LRP1B: variants seen among roughly 807,000 people sequenced by gnomAD.
The protein encoded by LRP1B is LDL receptor related protein 1B, also known as low-density lipoprotein receptor-related protein 1B.
Under a neutral mutation model 556.6 loss-of-function variants are expected in LRP1B, and 217 were observed. The ratio of observed to expected loss-of-function variants is 0.39; its 90% CI spans 0.35 to 0.44. The LOEUF (loss-of-function observed/expected upper bound fraction) is 0.44. Ranked by LOEUF, LRP1B falls within the 20% of genes least tolerant of loss-of-function variation. The pLI is 1.00. For synonymous variants in LRP1B, 2,047 were observed against 1,865.8 expected (o/e 1.10, Z -2.50); for missense variants, 5,053 against 5,620.8 (o/e 0.90, Z 3.23).
At chr2:141,889,982 C>T (rs1243326119) in intron 1 of LRP1B, among the ~76,000 whole-genome samples, 2 of 150,700 alleles carry the variant, frequency 1.3e-5, no homozygotes, top group Admixed American at 6.6e-5. Context: ...CCCTCACCCA[C>T]CCCATATGTG....
Position 140,371,214 on chromosome 2 carries a change from T to C in LRP1B, c.10840A>G (p.Asn3614Asp). Residue 3614 changes from asparagine (N) to aspartate (D), a missense_variant, in exon 70 of 91, where the codon AAT becomes GAT. This residue lies in a region of LRP1B where 599 missense variants were observed against 648.4 expected (regional missense o/e 0.92). Coordinates refer to ENST00000389484, the MANE Select transcript of LRP1B (RefSeq NM_018557.3). Reference sequence around the variant, plus strand: ...CCATCAGCACAATCATATTCTCCATTACATTTCAAAGATGCTGAAATACAT... The same window carrying C: ...CCATCAGCACAATCATATTCTCCATCACATTTCAAAGATGCTGAAATACAT... ...DGCISASLKC[N>D]GEYDCADGSD... is the part of the protein sequence containing the mutation. 6.3e-7 allele frequency: 1 copy of C among 1,596,868 alleles called. No homozygotes were observed. The highest frequency in any genetic ancestry group is 1.1e-5 in the South Asian group (1 of 88,024).
chr2:141,063,606 G>T (rs1699399048), intron 7 of LRP1B, among the ~76,000 whole-genome samples: 1 of 151,650 alleles, frequency 6.6e-6, no homozygotes, highest in Admixed American at 6.6e-5. Context: ...TCACTGCTTG[G>T]TATGCACGCG....
chr2:140,968,985 G>A (rs1316345885), intron 18 of LRP1B, among the ~76,000 whole-genome samples: 1 of 152,192 alleles, frequency 6.6e-6, no homozygotes, highest in Non-Finnish European at 1.5e-5. Flanking sequence ...GTGATGTGGT[G>A]CTGAGAAAAA....
chr2:142,115,716 TAATA>T lies in LRP1B; in HGVS notation c.82+14928_82+14931del, dbSNP rs1559080331. ...ATGTAATATATATATAATATATATGTAATATATATATAATATATATGTAATATAT... is the reference window on the plus strand; with the variant it reads ...ATGTAATATATATATAATATATATGTTATATATAATATATATGTAATATAT... On this transcript the variant is annotated intron_variant, in intron 1 of 90. Transcript: ENST00000389484. Among the ~76,000 whole-genome samples the T allele has an allele frequency of 7.9e-5, 2 of 25,216 alleles. 1 individual carries two copies. Among genetic ancestry groups the T allele is most frequent in the Non-Finnish European group, 1.5e-4 (2 of 12,988 alleles). The allele number at this position is 25,216 out of a possible 152,430, so 16.5% of individuals were successfully genotyped here. A position where few individuals can be genotyped will look rare whatever the true frequency, so the allele number is the denominator to read the frequency against.
At chr2:140,714,867 C>T (rs916508080) in intron 37 of LRP1B, among the ~76,000 whole-genome samples, 2 of 151,978 alleles carry the variant, frequency 1.3e-5, no homozygotes, top group East Asian at 1.9e-4. Flanking sequence ...AACAAGAACA[C>T]GTACAGCTAC....
At chr2:142,124,186 C>T (rs1281708813) in intron 1 of LRP1B, among the ~76,000 whole-genome samples, 1 of 151,764 alleles carries the variant, frequency 6.6e-6, no homozygotes, top group Non-Finnish European at 1.5e-5. Context: ...TCCTCTTCTT[C>T]CTCCCACCCT....
chr2:140,559,983 A>G (rs891260872), intron 43 of LRP1B, among the ~76,000 whole-genome samples: 2 of 152,186 alleles, frequency 1.3e-5, no homozygotes, highest in Non-Finnish European at 2.9e-5. Flanking sequence ...AACTCTTCCT[A>G]CAAGAATATT....
intron 82 of LRP1B, among the ~76,000 whole-genome samples, chr2:140,321,148 C>A (rs1680097152): frequency 6.6e-6 from 1 of 152,066 alleles, no homozygotes; most frequent in South Asian, 2.1e-4. Context: ...TACCTAATGT[C>A]TTGAATATGA....
chr2:141,837,908 T>C (rs1368057196), intron 1 of LRP1B, among the ~76,000 whole-genome samples: 9 of 152,158 alleles, frequency 5.9e-5, no homozygotes, highest in Admixed American at 5.2e-4. Flanking sequence ...ATCTACAGTG[T>C]TTATGTAATT....
intron 7 of LRP1B, among the ~76,000 whole-genome samples, chr2:141,127,636 A>C (rs2105016912): frequency 6.6e-6 from 1 of 152,282 alleles, no homozygotes; most frequent in East Asian, 1.9e-4. Flanking sequence ...CCTCCTCTGC[A>C]CACTTAATTC....
At position 140,493,223 on chromosome 2, in the gene LRP1B, G is replaced by A. The variant is rs148719749; in HGVS notation, c.9035-530C>T. 3.5e-3 allele frequency among the ~76,000 whole-genome samples: 539 copies of A among 152,052 alleles called. 8 individuals are homozygous for A. Among genetic ancestry groups the A allele is most frequent in the African/African-American group, 0.012 (503 of 41,494 alleles). On this transcript the variant is annotated intron_variant, in intron 56 of 90. Transcript: ENST00000389484. ...ACTCCAGGTTCTAAAATCTTTGTTT[G>A]TTAATTTTACCTTTCCTCATGTGTC...
chr2:140,399,104 T>G (rs544349640), intron 66 of LRP1B, among the ~76,000 whole-genome samples: 80 of 152,120 alleles, frequency 5.3e-4, no homozygotes, highest in South Asian at 1.2e-3. Context: ...CATTTCTATT[T>G]GATCTTTTAG....
At chr2:141,231,031 T>G (rs1683439636) in intron 5 of LRP1B, among the ~76,000 whole-genome samples, 1 of 152,252 alleles carries the variant, frequency 6.6e-6, no homozygotes, top group Non-Finnish European at 1.5e-5. Flanking sequence ...CAGAAGACTT[T>G]AGAAACATTT....
At chr2:141,967,420 A>G (rs973167832) in intron 1 of LRP1B, among the ~76,000 whole-genome samples, 1 of 151,914 alleles carries the variant, frequency 6.6e-6, no homozygotes, top group Non-Finnish European at 1.5e-5. Flanking sequence ...TTACAGGATT[A>G]TCAAGAGGAG....
At chr2:141,140,278 T>C (rs2105053322) in intron 7 of LRP1B, among the ~76,000 whole-genome samples, 2 of 152,248 alleles carry the variant, frequency 1.3e-5, no homozygotes, top group Admixed American at 1.3e-4. Flanking sequence ...CATATATATT[T>C]CATCACGTCT....
At position 141,649,922 on chromosome 2, in the gene LRP1B, G is replaced by A. The variant is rs564812183; in HGVS notation, c.205+160357C>T. On this transcript the variant is annotated intron_variant, in intron 2 of 90. Coordinates refer to ENST00000389484, the MANE Select transcript of LRP1B (RefSeq NM_018557.3). ...GGGCCAGGAGCAGTGGCTAGTGCCT[G>A]TGATTCCAGCTTTTTGGGAGGCCGA... Among the ~76,000 whole-genome samples, 4 of 152,314 alleles carry A rather than the reference G, an allele frequency of 2.6e-5. No individual in the cohort carries two copies. The South Asian group carries it at 8.3e-4, about 32-fold the overall frequency.
rs548627799 is a variant in LRP1B at position 140,740,134 on chromosome 2, T to A, written c.5759-23318A>T. On this transcript the variant is annotated intron_variant, in intron 35 of 90. Coordinates refer to ENST00000389484, the MANE Select transcript of LRP1B (RefSeq NM_018557.3). Reference sequence around the variant, plus strand: ...TGTGGAAATTCCTTAAAAAACTAAGTAGAACTACCATCTGATCCAGCAACC... The same window carrying A: ...TGTGGAAATTCCTTAAAAAACTAAGAAGAACTACCATCTGATCCAGCAACC... 1.1e-4 allele frequency among the ~76,000 whole-genome samples: 17 copies of A among 152,174 alleles called. 3 individuals carry two copies. In the South Asian group the frequency reaches 3.5e-3, roughly 32 times the overall value.
At position 140,886,152 on chromosome 2, in the gene LRP1B, A is replaced by G. The variant is rs2105191996; in HGVS notation, c.3950T>C (p.Leu1317Pro). The G allele has an allele frequency of 2.5e-6, 4 of 1,588,268 alleles. No homozygotes were observed. The highest frequency in any genetic ancestry group is 3.4e-6 in the Non-Finnish European group (4 of 1,168,506). Reference sequence around the variant, plus strand: ...AATATATGTACCTCCACTTTCAGAAAGCTTTCCCCGGTATATTCTGTCTTC... The same window carrying G: ...AATATATGTACCTCCACTTTCAGAAGGCTTTCCCCGGTATATTCTGTCTTC... The part of the protein sequence containing the change: ...VVEDRIYRGK[L>P]SESGGVSAIE... The change falls in exon 24 of 91, where the codon CTT becomes CCT. Residue 1317 changes from leucine to proline, a missense_variant. Around this residue, in one of 5 missense-constraint regions of LRP1B, gnomAD observed 3,619 missense variants for 3,931.9 expected, o/e 0.92. Coordinates refer to ENST00000389484, the MANE Select transcript of LRP1B (RefSeq NM_018557.3).
At position 142,017,955 on chromosome 2, in the gene LRP1B, C is replaced by CTTT. The variant is rs11431816; in HGVS notation, c.82+112690_82+112692dup. ...GTGCTCATCTATCTACTGACACGCT[C>CTTT]TTTTTTTTTTTTTTGGTGTTTCCAT... On this transcript the variant is annotated intron_variant, in intron 1 of 90. Transcript: ENST00000389484. Among the ~76,000 whole-genome samples, 60 of 147,302 alleles carry CTTT rather than the reference C, an allele frequency of 4.1e-4. 1 individual carries two copies. The South Asian group carries it at 4.7e-3, about 11-fold the overall frequency.
Sources: gnomAD v4.1 joint callset for allele counts (sites outside exome capture counted in the v4.1 genomes callset) on GRCh38, gnomAD v4.1.1 for gene constraint, gnomAD v4.1.1 regional missense constraint, MANE v1.5 for transcripts, NCBI Gene and HGNC (gene_info 2026-07-23, HGNC 2026-07-21) for gene names.